Variants in FRMD3 observed in about 807,000 individuals in gnomAD.
FRMD3 encodes the protein FERM domain containing 3, also known as FERM domain-containing protein 3.
FRMD3 carries 33 observed loss-of-function variants against 70.2 expected under a neutral mutation model. The ratio of observed to expected loss-of-function variants is 0.47; its 90% CI spans 0.36 to 0.63. The LOEUF is 0.63. Among genes scored for constraint, FRMD3 ranks in the 20% least tolerant of loss-of-function variants. FRMD3 has a pLI of 0.00. For synonymous variants in FRMD3, 279 were observed against 255.9 expected (o/e 1.09, Z -0.86); for missense variants, 632 against 711.4 (o/e 0.89, Z 1.27).
At chr9:83,531,451 T>C (rs1829789947) in intron 1 of FRMD3, among the ~76,000 whole-genome samples, 1 of 152,214 alleles carries the variant, frequency 6.6e-6, no homozygotes, top group Non-Finnish European at 1.5e-5. Flanking sequence ...TTTTAGGATA[T>C]ACTTAATATA....
chr9:83,551,318 A>C, the FRMD3 span, among the ~76,000 whole-genome samples: 86 of 152,176 alleles, frequency 5.7e-4, 1 homozygote, highest in Non-Finnish European at 1.1e-3. Flanking sequence ...CATCCTGGGG[A>C]TGAAGCCTAC....
chr9:83,261,257 G>T (rs1462420728), intron 13 of FRMD3, among the ~76,000 whole-genome samples: 1 of 152,024 alleles, frequency 6.6e-6, no homozygotes, highest in Admixed American at 6.6e-5. Flanking sequence ...CATTCTTCTT[G>T]TTCTTCTTTC....
intron 1 of FRMD3, among the ~76,000 whole-genome samples, chr9:83,393,098 A>G (rs376788288): frequency 1.3e-5 from 2 of 152,308 alleles, no homozygotes. Context: ...GTGCATAAGT[A>G]TAGACTTTTG....
At chr9:83,507,561 T>C (rs1829214597) in intron 1 of FRMD3, among the ~76,000 whole-genome samples, 1 of 147,570 alleles carries the variant, frequency 6.8e-6, no homozygotes, top group South Asian at 2.1e-4. Flanking sequence ...TCCCAGTTAC[T>C]TGGGAGGCTG....
chr9:83,272,146 G>A (rs1365585470), intron 13 of FRMD3, among the ~76,000 whole-genome samples: 1 of 149,678 alleles, frequency 6.7e-6, no homozygotes, highest in Non-Finnish European at 1.5e-5. Context: ...GTCTCCCTCT[G>A]ATGCCTAGCT....
chr9:83,447,023 G>C lies in FRMD3; in HGVS notation c.148-57315C>G, dbSNP rs543011455. Among the ~76,000 whole-genome samples the C allele has an allele frequency of 9.9e-5, 15 of 151,340 alleles. 1 individual carries two copies. In the South Asian group the frequency reaches 3.1e-3, roughly 31 times the overall value. ...GTTTTGTTTTGTTTTGTTTTGTTTTGTTTTGTTTTGTTTTGTTTGAGACAG... is the reference window on the plus strand; with the variant it reads ...GTTTTGTTTTGTTTTGTTTTGTTTTCTTTTGTTTTGTTTTGTTTGAGACAG... On this transcript the variant is annotated intron_variant, in intron 1 of 13. Coordinates refer to ENST00000304195, the MANE Select transcript of FRMD3 (RefSeq NM_174938.6).
chr9:83,344,799 G>C (rs998060861), intron 4 of FRMD3, among the ~76,000 whole-genome samples: 6 of 148,956 alleles, frequency 4.0e-5, no homozygotes, highest in African/African-American at 1.3e-4. Flanking sequence ...GTATGAAAGG[G>C]TGTGTGTGCA....
chr9:83,547,281 TATATA>T, the FRMD3 span, among the ~76,000 whole-genome samples: 65 of 148,586 alleles, frequency 4.4e-4, no homozygotes, highest in South Asian at 6.3e-4. Flanking sequence ...TCTTTGTCAT[TATATA>T]ATATAATATA....
chr9:83,272,210 T>C (rs1173044566), intron 13 of FRMD3, among the ~76,000 whole-genome samples: 1 of 151,632 alleles, frequency 6.6e-6, no homozygotes, highest in East Asian at 1.9e-4. Context: ...CCTGCCTGAT[T>C]CTCCTGCCTC....
chr9:83,576,450 CT>C, the FRMD3 span, among the ~76,000 whole-genome samples: 1 of 152,016 alleles, frequency 6.6e-6, no homozygotes, highest in Non-Finnish European at 1.5e-5. Flanking sequence ...TTTTTGTTAA[CT>C]TTTATTTAAG....
chr9:83,427,924 G>A (rs991336573), intron 1 of FRMD3, among the ~76,000 whole-genome samples: 1 of 152,142 alleles, frequency 6.6e-6, no homozygotes, highest in African/African-American at 2.4e-5. Flanking sequence ...AGAGAAACTG[G>A]ACAGCGTCCT....
Position 83,392,187 on chromosome 9 carries a change from A to G in FRMD3, c.148-2479T>C, listed in dbSNP as rs536905205. Among the ~76,000 whole-genome samples, 302 of 152,140 alleles carry G rather than the reference A, an allele frequency of 2.0e-3. 3 individuals carry two copies. The highest frequency in any genetic ancestry group is 6.9e-3 in the African/African-American group (286 of 41,496). ...GCTGCCTCTGCCATTGTCAGGAGACATCAATAGCCCTTTGCAGTTCTGCCC... is the reference window on the plus strand; with the variant it reads ...GCTGCCTCTGCCATTGTCAGGAGACGTCAATAGCCCTTTGCAGTTCTGCCC... On this transcript the variant is annotated intron_variant, in intron 1 of 13. Transcript: ENST00000304195.
intron 13 of FRMD3, among the ~76,000 whole-genome samples, chr9:83,259,163 A>G (rs1221930710): frequency 6.6e-6 from 1 of 152,154 alleles, no homozygotes; most frequent in Non-Finnish European, 1.5e-5. Flanking sequence ...CAAAATGAAG[A>G]ATTATTTTGT....
At chr9:83,406,806 G>T (rs1219478254) in intron 1 of FRMD3, among the ~76,000 whole-genome samples, 3 of 152,214 alleles carry the variant, frequency 2.0e-5, no homozygotes, top group Non-Finnish European at 4.4e-5. Flanking sequence ...TAAACTGTAT[G>T]TATCTCTTCT....
the FRMD3 span, among the ~76,000 whole-genome samples, chr9:83,569,150 TA>T: frequency 6.6e-6 from 1 of 152,172 alleles, no homozygotes; most frequent in East Asian, 1.9e-4. Flanking sequence ...GCACGAAGGA[TA>T]TTAAATTCTA....
the FRMD3 span, among the ~76,000 whole-genome samples, chr9:83,561,611 G>A: frequency 1.3e-5 from 2 of 152,210 alleles, no homozygotes; most frequent in African/African-American, 2.4e-5. Flanking sequence ...TCAGGAACCA[G>A]GCTGACAGAA....
chr9:83,299,255 G>C, intron 10 of FRMD3, 69 bp from the exon 11 acceptor site: 1 of 916,160 alleles, frequency 1.1e-6, no homozygotes, highest in Non-Finnish European at 1.7e-6. Flanking sequence ...CTATAGAGGT[G>C]TGGTGATGGG....
chr9:83,358,202 A>G lies in FRMD3; in HGVS notation c.296-8445T>C, dbSNP rs1587768473. On this transcript the variant is annotated intron_variant, in intron 3 of 13. Coordinates refer to ENST00000304195, the MANE Select transcript of FRMD3 (RefSeq NM_174938.6). The stretch of plus-strand genomic sequence containing the variant: ...TTGTTGAACAGGGTGTCCTTTCCCC[A>G]CTTTACGTTTTTGTTTGCTTTGTTG... Among the ~76,000 whole-genome samples the G allele has an allele frequency of 1.3e-5, 2 of 152,056 alleles. 1 individual carries two copies. Among genetic ancestry groups the G allele is most frequent in the Non-Finnish European group, 2.9e-5 (2 of 68,016 alleles).
intron 1 of FRMD3, among the ~76,000 whole-genome samples, chr9:83,530,085 T>C (rs1310700420): frequency 1.3e-5 from 2 of 152,210 alleles, no homozygotes; most frequent in Non-Finnish European, 2.9e-5. Context: ...TTGACAGTTA[T>C]TCAAAAGATT....
Sources: allele counts gnomAD v4.1 joint callset (sites outside exome capture counted in the v4.1 genomes callset), GRCh38; gene constraint gnomAD v4.1.1; transcripts MANE v1.5; gene names NCBI Gene and HGNC (gene_info 2026-07-23, HGNC 2026-07-21).